The following ZNF345 variants were observed in gnomAD, a reference collection of about 807,000 sequenced individuals.
ZNF345 encodes zinc finger protein 345.
For synonymous variants in ZNF345, 166 were observed against 187.9 expected (o/e 0.88, Z 0.95); for missense variants, 527 against 589.9 (o/e 0.89, Z 1.10).
intron 2 of ZNF345, among the ~76,000 whole-genome samples, chr19:36,856,582 C>T (rs887395707): frequency 5.3e-5 from 8 of 152,032 alleles, no homozygotes; most frequent in Non-Finnish European, 1.0e-4. Flanking sequence ...TTTGGCCAGG[C>T]CAGTGGCTCA....
intron 3 of ZNF345, among the ~76,000 whole-genome samples, chr19:36,884,754 CA>C (rs897727921): frequency 6.6e-6 from 1 of 152,158 alleles, no homozygotes; most frequent in Non-Finnish European, 1.5e-5. Flanking sequence ...AGCACCCAGC[CA>C]AACCAAGACA....
In ZNF345 at chr19:36,892,826, CA is replaced by C. The variant is rs1174206146; in HGVS notation, c.56del (p.Gln19ArgfsTer31). 2 of 889,788 alleles carry C rather than the reference CA, an allele frequency of 2.2e-6. No homozygotes were observed. The highest frequency in any genetic ancestry group is 3.5e-5 in the African/African-American group (2 of 57,326). 55.1% of individuals were successfully genotyped at this position (889,788 alleles called of 1,614,324 possible). A position where few individuals can be genotyped will look rare whatever the true frequency, so the allele number is the denominator to read the frequency against. On this transcript the variant is annotated frameshift_variant, in exon 4 of 4. Transcript: ENST00000526123. LOFTEE classifies it high-confidence loss of function. Reference sequence around the variant, plus strand: ...TTTTGCCCCCACCCCAGATCCCCCACAGGCGCTGCCTGAGACCCAGCTCTGT... The same window carrying C: ...TTTTGCCCCCACCCCAGATCCCCCACGGCGCTGCCTGAGACCCAGCTCTGT...
intron 2 of ZNF345, among the ~76,000 whole-genome samples, chr19:36,873,261 TCTC>T (rs1199917945): frequency 1.3e-5 from 2 of 152,262 alleles, no homozygotes; most frequent in Non-Finnish European, 2.9e-5. Context: ...TTTTCTTTGT[TCTC>T]CTATATAGTC....
At chr19:36,860,694 A>G (rs1385776713) in intron 2 of ZNF345, among the ~76,000 whole-genome samples, 1 of 152,188 alleles carries the variant, frequency 6.6e-6, no homozygotes, top group African/African-American at 2.4e-5. Flanking sequence ...CAGGAGATAC[A>G]TGATTTTGAT....
rs1045702059 is a variant in ZNF345 at position 36,878,838 on chromosome 19, T to A, written c.*541T>A. ...TATCAGGTCAGTGTTTTTTTGTTTTTGTTTTTGTTTTTGTTTTTTTGAGAT... is the reference window on the plus strand; with the variant it reads ...TATCAGGTCAGTGTTTTTTTGTTTTAGTTTTTGTTTTTGTTTTTTTGAGAT... On this transcript the variant is annotated 3_prime_UTR_variant, in exon 3 of 3. Coordinates refer to ENST00000420450, the MANE Select transcript of ZNF345 (RefSeq NM_001242472.2). 1.2e-5 allele frequency: 2 copies of A among 167,582 alleles called. No individual in the cohort carries two copies. The highest frequency in any genetic ancestry group is 1.3e-4 in the Admixed American group (2 of 15,242). The allele number at this position is 167,582 out of a possible 1,614,324, so 10.4% of individuals were successfully genotyped here. A position where few individuals can be genotyped will look rare whatever the true frequency, so the allele number is the denominator to read the frequency against.
intron 2 of ZNF345, among the ~76,000 whole-genome samples, 162 bp downstream of exon 2, chr19:36,852,066 T>C (rs1003230496): frequency 6.6e-6 from 1 of 152,078 alleles, no homozygotes; most frequent in Non-Finnish European, 1.5e-5. Context: ...CCACACCTGA[T>C]TTTCCCTTAC....
rs758524936 is a variant in ZNF345 at position 36,876,815 on chromosome 19, A to T, written c.-16A>T. 1 of 1,556,684 alleles carries T rather than the reference A, an allele frequency of 6.4e-7. No individual in the cohort carries two copies. Among genetic ancestry groups the T allele is most frequent in the Non-Finnish European group, 8.6e-7 (1 of 1,156,310 alleles). On this transcript the variant is annotated 5_prime_UTR_variant, in exon 3 of 3. Transcript: ENST00000420450. ...GAATCAAAGTTGAGACCAAGAAATT[A>T]TTTCTGAAAAAGGATATGGAAAACC...
At chr19:36,874,096 G>A (rs966017202) in intron 2 of ZNF345, among the ~76,000 whole-genome samples, 1 of 152,108 alleles carries the variant, frequency 6.6e-6, no homozygotes, top group African/African-American at 2.4e-5. Context: ...AGCATAAACC[G>A]TACACTTTTT....
chr19:36,888,700 GGTTTT>G (rs1227876380), intron 3 of ZNF345: 1 of 151,674 alleles, frequency 6.6e-6, no homozygotes, highest in Non-Finnish European at 1.5e-5. Context: ...GATTTTTTTT[GGTTTT>G]TTTTTGAGAT....
chr19:36,854,433 C>G (rs957505134), intron 2 of ZNF345: 9 of 152,092 alleles, frequency 5.9e-5, no homozygotes, highest in African/African-American at 2.2e-4. Context: ...TTTAAATGCA[C>G]CTTATTCTTT....
At chr19:36,892,902 T>C in exon 4 of ZNF345, 1 of 1,152,204 alleles carries the variant, frequency 8.7e-7, no homozygotes, top group Non-Finnish European at 1.1e-6. Context: ...GCCATCAGCA[T>C]GCCCAGGCAG....
intron 2 of ZNF345, among the ~76,000 whole-genome samples, chr19:36,857,714 A>G (rs1032845644): frequency 1.3e-5 from 2 of 152,222 alleles, no homozygotes; most frequent in African/African-American, 4.8e-5. Context: ...GGTCACTTAT[A>G]GCTGCATAAG....
chr19:36,862,663 CAAA>C (rs753670661), intron 2 of ZNF345, among the ~76,000 whole-genome samples: 12 of 39,958 alleles, frequency 3.0e-4, no homozygotes, highest in African/African-American at 8.1e-4. Context: ...GACCCAGTCT[CAAA>C]AAAAAAAAAA....
At chr19:36,860,145 G>A (rs2072516513) in intron 2 of ZNF345, among the ~76,000 whole-genome samples, 1 of 152,066 alleles carries the variant, frequency 6.6e-6, no homozygotes, top group Admixed American at 6.6e-5. Context: ...TTTTAGTAGA[G>A]ATGGGGTTTC....
chr19:36,860,411 AC>A (rs1253024164), intron 2 of ZNF345, among the ~76,000 whole-genome samples: 1 of 152,028 alleles, frequency 6.6e-6, no homozygotes, highest in Non-Finnish European at 1.5e-5. Context: ...ATAACAAACC[AC>A]CCTACCCTTT....
At chr19:36,892,821 C>T in exon 4 of ZNF345, 1 of 820,874 alleles carries the variant, frequency 1.2e-6, no homozygotes, top group Non-Finnish European at 1.6e-6. Context: ...ACCCCAGATC[C>T]CCCACAGGCG....
At chr19:36,890,697 A>G (rs2073042100) in intron 3 of ZNF345, 1 of 151,096 alleles carries the variant, frequency 6.6e-6, no homozygotes, top group South Asian at 2.1e-4. Flanking sequence ...AAAAAAAAAA[A>G]AAAAAAAAAT....
chr19:36,855,786 A>G (rs1371768240), intron 2 of ZNF345, among the ~76,000 whole-genome samples: 5 of 151,828 alleles, frequency 3.3e-5, no homozygotes, highest in South Asian at 2.1e-4. Flanking sequence ...TCTCTTCCCG[A>G]CCTATCACCT....
At chr19:36,868,616 A>T (rs1021707972) in intron 2 of ZNF345, among the ~76,000 whole-genome samples, 1 of 148,436 alleles carries the variant, frequency 6.7e-6, no homozygotes, top group Non-Finnish European at 1.5e-5. Flanking sequence ...TTCCACATGG[A>T]TATGAGGAGT....
Sources: allele counts gnomAD v4.1 joint callset (sites outside exome capture counted in the v4.1 genomes callset), GRCh38; gene constraint gnomAD v4.1.1; transcripts MANE v1.5; gene names NCBI Gene and HGNC (gene_info 2026-07-23, HGNC 2026-07-21).